CYP7B1: variants seen among roughly 807,000 people sequenced by gnomAD.
The protein encoded by CYP7B1 is cytochrome P450 family 7 subfamily B member 1.
CYP7B1 carries 29 observed loss-of-function variants against 42.7 expected under a neutral mutation model. That is an observed-to-expected ratio of 0.68 (90% CI 0.51 to 0.93). CYP7B1 has a LOEUF of 0.93. Among genes scored for constraint, CYP7B1 ranks in the 40% least tolerant of loss-of-function variants. CYP7B1 has a pLI of 0.00. For missense variants in CYP7B1, 655 were observed against 600.5 expected (o/e 1.09, Z -0.95); for synonymous variants, 235 against 218.2 (o/e 1.08, Z -0.68).
At chr8:64,706,104 G>C (rs373805368) in intron 1 of CYP7B1, among the ~76,000 whole-genome samples, 3 of 152,068 alleles carry the variant, frequency 2.0e-5, no homozygotes, top group African/African-American at 7.2e-5. Flanking sequence ...AGCATTAAGA[G>C]CCCCTCTAAT....
At chr8:64,654,137 T>C (rs13272599) in intron 1 of CYP7B1, among the ~76,000 whole-genome samples, 16,370 of 152,140 alleles carry the variant, frequency 0.11, 1,151 homozygotes, top group Non-Finnish European at 0.16. Flanking sequence ...CTCTCACCAC[T>C]CCTATTCAAC....
chr8:64,652,134 C>T (rs984832819), intron 1 of CYP7B1, among the ~76,000 whole-genome samples: 14 of 152,190 alleles, frequency 9.2e-5, no homozygotes, highest in Non-Finnish European at 2.9e-5. Context: ...AAATGCAAAT[C>T]TAGGCCTCTT....
At chr8:64,674,782 C>T (rs1468404226) in intron 1 of CYP7B1, among the ~76,000 whole-genome samples, 1 of 152,066 alleles carries the variant, frequency 6.6e-6, no homozygotes, top group African/African-American at 2.4e-5. Context: ...TAAAACAATA[C>T]CTTTGTTTTG....
At chr8:64,727,152 C>A (rs61485032) in intron 1 of CYP7B1, among the ~76,000 whole-genome samples, 1 of 152,120 alleles carries the variant, frequency 6.6e-6, no homozygotes, top group African/African-American at 2.4e-5. Context: ...GCTTTCCCTG[C>A]CCACTTAAGG....
chr8:64,767,197 T>C (rs1419175729), intron 1 of CYP7B1, among the ~76,000 whole-genome samples: 1 of 152,152 alleles, frequency 6.6e-6, no homozygotes, highest in Non-Finnish European at 1.5e-5. Flanking sequence ...CATGCAGCAA[T>C]ATGGAGAGAA....
At chr8:64,699,938 AT>A (rs1231656084) in intron 1 of CYP7B1, among the ~76,000 whole-genome samples, 1 of 152,086 alleles carries the variant, frequency 6.6e-6, no homozygotes, top group Non-Finnish European at 1.5e-5. Flanking sequence ...CCACTCTCCC[AT>A]TTTAATTCCC....
chr8:64,673,188 C>A (rs1338768192), intron 1 of CYP7B1, among the ~76,000 whole-genome samples: 2 of 152,096 alleles, frequency 1.3e-5, no homozygotes, highest in Non-Finnish European at 2.9e-5. Context: ...GATTTTCCCT[C>A]ACCTTGTTTT....
At chr8:64,750,964 C>G (rs991249841) in intron 1 of CYP7B1, among the ~76,000 whole-genome samples, 2 of 152,166 alleles carry the variant, frequency 1.3e-5, no homozygotes, top group Non-Finnish European at 2.9e-5. Context: ...ACCATCCTCA[C>G]GCCAACTGCT....
At chr8:64,793,695 C>A (rs1804658917) in intron 1 of CYP7B1, among the ~76,000 whole-genome samples, 1 of 151,676 alleles carries the variant, frequency 6.6e-6, no homozygotes, top group Non-Finnish European at 1.5e-5. Flanking sequence ...ATTTAAAACA[C>A]TTTAAACATT....
chr8:64,689,118 C>A (rs183094231), intron 1 of CYP7B1, among the ~76,000 whole-genome samples: 4 of 152,208 alleles, frequency 2.6e-5, no homozygotes, highest in Admixed American at 2.0e-4. Context: ...ATTTTGAGAT[C>A]AATTCCTAAA....
chr8:64,660,597 G>GTA, intron 1 of CYP7B1, among the ~76,000 whole-genome samples: 1 of 152,326 alleles, frequency 6.6e-6, no homozygotes, highest in African/African-American at 2.4e-5. Flanking sequence ...CTTCAAGTGA[G>GTA]TGATCCTACA....
At chr8:64,636,964 T>C (rs2129630875) in intron 1 of CYP7B1, among the ~76,000 whole-genome samples, 1 of 152,332 alleles carries the variant, frequency 6.6e-6, no homozygotes, top group South Asian at 2.1e-4. Flanking sequence ...GGAAGAGATA[T>C]CAATTCCATT....
chr8:64,709,960 C>A (rs1383278276), intron 1 of CYP7B1, among the ~76,000 whole-genome samples: 2 of 152,000 alleles, frequency 1.3e-5, no homozygotes, highest in African/African-American at 4.8e-5. Flanking sequence ...CTGATTTTGT[C>A]CTGCCACAGT....
intron 2 of CYP7B1, among the ~76,000 whole-genome samples, chr8:64,618,255 C>T (rs190619693): frequency 7.9e-5 from 12 of 151,856 alleles, no homozygotes; most frequent in Admixed American, 5.2e-4. Flanking sequence ...TGTGTATTTT[C>T]ACAGGTGGTG....
At chr8:64,714,659 A>C (rs1193920118) in intron 1 of CYP7B1, among the ~76,000 whole-genome samples, 1 of 152,208 alleles carries the variant, frequency 6.6e-6, no homozygotes, top group Non-Finnish European at 1.5e-5. Context: ...GTCAATCCTC[A>C]GTGATGGACA....
intron 1 of CYP7B1, among the ~76,000 whole-genome samples, chr8:64,791,559 T>C (rs1261078653): frequency 6.6e-6 from 1 of 152,130 alleles, no homozygotes; most frequent in East Asian, 1.9e-4. Context: ...TAGGTCTTGG[T>C]GGCCTCCAGA....
intron 4 of CYP7B1, among the ~76,000 whole-genome samples, chr8:64,610,281 ATT>A (rs1409386519): frequency 6.6e-6 from 1 of 152,104 alleles, no homozygotes; most frequent in Non-Finnish European, 1.5e-5. Flanking sequence ...GTTTCCTTAT[ATT>A]AGATATAAAA....
chr8:64,768,648 C>T (rs1165955885), intron 1 of CYP7B1, among the ~76,000 whole-genome samples: 1 of 152,192 alleles, frequency 6.6e-6, no homozygotes, highest in East Asian at 1.9e-4. Flanking sequence ...ATTTATGCCT[C>T]ATGTCAAACT....
intron 2 of CYP7B1, among the ~76,000 whole-genome samples, chr8:64,619,889 C>T (rs1443635798): frequency 4.0e-5 from 6 of 151,886 alleles, no homozygotes; most frequent in Non-Finnish European, 7.4e-5. Context: ...GATATATATA[C>T]ATATATCCAT....
Sources: allele counts gnomAD v4.1 joint callset (sites outside exome capture counted in the v4.1 genomes callset), GRCh38; gene constraint gnomAD v4.1.1; transcripts MANE v1.5; gene names NCBI Gene and HGNC (gene_info 2026-07-23, HGNC 2026-07-21).